Variants in LRRTM4 observed in about 807,000 individuals in gnomAD.
The protein encoded by LRRTM4 is leucine rich repeat transmembrane neuronal 4.
LRRTM4 carries 25 observed loss-of-function variants against 47.6 expected under a neutral mutation model. The observed-to-expected ratio is 0.53, with a 90% CI of 0.38 to 0.73. The LOEUF (loss-of-function observed/expected upper bound fraction) is 0.73. Among genes scored for constraint, LRRTM4 ranks in the 30% least tolerant of loss-of-function variants. The pLI is 0.00. For synonymous variants in LRRTM4, 311 were observed against 269.5 expected (o/e 1.15, Z -1.51); for missense variants, 638 against 713.4 (o/e 0.89, Z 1.20).
chr2:77,247,360 G>A (rs1380059989), intron 3 of LRRTM4, among the ~76,000 whole-genome samples: 1 of 152,038 alleles, frequency 6.6e-6, no homozygotes, highest in Non-Finnish European at 1.5e-5. Flanking sequence ...TGAATTGAAG[G>A]ATCACAAAAC....
At chr2:76,803,115 A>T (rs1194008459) in intron 3 of LRRTM4, among the ~76,000 whole-genome samples, 2 of 152,176 alleles carry the variant, frequency 1.3e-5, no homozygotes, top group African/African-American at 2.4e-5. Context: ...AAATGGTATT[A>T]TATCAATCTA....
At chr2:76,863,016 A>C (rs1672363996) in intron 3 of LRRTM4, among the ~76,000 whole-genome samples, 1 of 152,200 alleles carries the variant, frequency 6.6e-6, no homozygotes, top group South Asian at 2.1e-4. Flanking sequence ...AGCATATGTC[A>C]CCACACCAGA....
intron 3 of LRRTM4, among the ~76,000 whole-genome samples, chr2:77,472,711 G>T (rs60331531): frequency 0.2 from 31,012 of 152,030 alleles, 3,580 homozygotes; most frequent in Non-Finnish European, 0.27. Context: ...TATCTAGCAG[G>T]TCAACACCTG....
At chr2:77,298,395 C>A (rs1677033927) in intron 3 of LRRTM4, among the ~76,000 whole-genome samples, 1 of 152,136 alleles carries the variant, frequency 6.6e-6, no homozygotes, top group African/African-American at 2.4e-5. Flanking sequence ...CGCCACCACG[C>A]CCGGCTAATT....
chr2:77,444,558 A>AAT (rs1675974197), intron 3 of LRRTM4, among the ~76,000 whole-genome samples: 1 of 152,056 alleles, frequency 6.6e-6, no homozygotes, highest in South Asian at 2.1e-4. Context: ...CCTTGCTTGT[A>AAT]TATCTCCTTG....
At chr2:76,769,673 C>T (rs1224765660) in intron 3 of LRRTM4, among the ~76,000 whole-genome samples, 13 of 152,228 alleles carry the variant, frequency 8.5e-5, no homozygotes, top group South Asian at 8.3e-4. Context: ...TCATGTCTGA[C>T]GCCAACATAC....
intron 3 of LRRTM4, among the ~76,000 whole-genome samples, chr2:77,021,761 G>C (rs1192264022): frequency 6.6e-6 from 1 of 152,150 alleles, no homozygotes; most frequent in African/African-American, 2.4e-5. Flanking sequence ...AATTTTGAAA[G>C]TGGTTATTTA....
chr2:77,058,349 C>T (rs1207929462), intron 3 of LRRTM4, among the ~76,000 whole-genome samples: 1 of 152,106 alleles, frequency 6.6e-6, no homozygotes, highest in African/African-American at 2.4e-5. Context: ...GAGCTACCGA[C>T]CATGAAAGCC....
chr2:77,332,270 C>T (rs1388084443), intron 3 of LRRTM4, among the ~76,000 whole-genome samples: 2 of 152,070 alleles, frequency 1.3e-5, no homozygotes, highest in African/African-American at 2.4e-5. Flanking sequence ...ATAAACCAAA[C>T]AATAAATATG....
chr2:77,456,241 A>G (rs188878158), intron 3 of LRRTM4, among the ~76,000 whole-genome samples: 3 of 152,216 alleles, frequency 2.0e-5, no homozygotes, highest in Admixed American at 6.5e-5. Flanking sequence ...TTACTATGCT[A>G]CCCTAAAAAT....
chr2:77,290,517 A>C (rs13417705), intron 3 of LRRTM4, among the ~76,000 whole-genome samples: 17,594 of 151,914 alleles, frequency 0.12, 2,079 homozygotes, highest in African/African-American at 0.29. Flanking sequence ...TTAACAAAAA[A>C]TTTATTGTAT....
intron 3 of LRRTM4, among the ~76,000 whole-genome samples, chr2:77,114,198 C>A (rs192892222): frequency 7.3e-4 from 111 of 152,210 alleles, no homozygotes; most frequent in Non-Finnish European, 1.1e-3. Flanking sequence ...GGCCCAATCA[C>A]CCCACACAGT....
chr2:76,873,439 G>A (rs922297113), intron 3 of LRRTM4, among the ~76,000 whole-genome samples: 1 of 144,266 alleles, frequency 6.9e-6, no homozygotes, highest in Non-Finnish European at 1.5e-5. Context: ...ACATTATATA[G>A]TCTGTGTGTA....
At chr2:77,513,405 G>A (rs953691711) in intron 3 of LRRTM4, among the ~76,000 whole-genome samples, 1 of 152,082 alleles carries the variant, frequency 6.6e-6, no homozygotes, top group African/African-American at 2.4e-5. Context: ...CACTGTGCTA[G>A]CTGAGTCACT....
intron 3 of LRRTM4, among the ~76,000 whole-genome samples, chr2:77,350,511 C>T (rs571153014): frequency 1.2e-3 from 180 of 151,844 alleles, no homozygotes; most frequent in African/African-American, 4.3e-3. Context: ...TAAGGTATAA[C>T]TTTGTAATCA....
intron 3 of LRRTM4, chr2:76,773,067 T>C (rs182612787): frequency 6.6e-5 from 10 of 152,356 alleles, no homozygotes; most frequent in Admixed American, 5.9e-4. Context: ...TAAGGAGTAC[T>C]ATTGTGTGCC....
chr2:77,153,346 C>T (rs575613949), intron 3 of LRRTM4, among the ~76,000 whole-genome samples: 4 of 152,250 alleles, frequency 2.6e-5, no homozygotes, highest in Non-Finnish European at 5.9e-5. Context: ...GGCAAAGCTG[C>T]CTTTCTTCCT....
At chr2:77,331,796 ATC>A in intron 3 of LRRTM4, among the ~76,000 whole-genome samples, 1 of 152,098 alleles carries the variant, frequency 6.6e-6, no homozygotes, top group Admixed American at 6.6e-5. Flanking sequence ...ACTGAGTAAA[ATC>A]TCTGTTTTTT....
At chr2:76,784,751 G>A (rs199895344) in intron 3 of LRRTM4, among the ~76,000 whole-genome samples, 2 of 151,880 alleles carry the variant, frequency 1.3e-5, no homozygotes, top group Non-Finnish European at 2.9e-5. Context: ...AACTGTGCTG[G>A]CCAGTAATGT....
Sources: gnomAD v4.1 joint callset for allele counts (sites outside exome capture counted in the v4.1 genomes callset) on GRCh38, gnomAD v4.1.1 for gene constraint, MANE v1.5 for transcripts, NCBI Gene and HGNC (gene_info 2026-07-23, HGNC 2026-07-21) for gene names.